GRID2: variants seen among roughly 807,000 people sequenced by gnomAD.
The protein encoded by GRID2 is glutamate receptor ionotropic, delta-2.
Under a neutral mutation model 114.8 loss-of-function variants are expected in GRID2, and 33 were observed. That is an observed-to-expected ratio of 0.29 (90% CI 0.22 to 0.38). The LOEUF (loss-of-function observed/expected upper bound fraction) is 0.38, where lower values mean the gene tolerates loss of function less well. Among genes scored for constraint, GRID2 ranks in the 10% least tolerant of loss-of-function variants. GRID2 has a pLI of 1.00. For synonymous variants in GRID2, 505 were observed against 449.9 expected, an observed-to-expected ratio of 1.12 and a Z score of -1.55; for missense variants, 1,184 against 1,257.7, an observed-to-expected ratio of 0.94 and a Z score of 0.89.
intron 14 of GRID2, among the ~76,000 whole-genome samples, chr4:93,766,427 C>T (rs112660279): frequency 4.6e-5 from 7 of 152,088 alleles, no homozygotes; most frequent in East Asian, 1.9e-4. Flanking sequence ...ATCACAAGAA[C>T]GGCATGAGGG....
chr4:92,390,044 C>T (rs1730164487), intron 1 of GRID2, among the ~76,000 whole-genome samples: 1 of 151,860 alleles, frequency 6.6e-6, no homozygotes, highest in South Asian at 2.1e-4. Context: ...AATTTTAAGT[C>T]CTCTTTTAAA....
intron 14 of GRID2, among the ~76,000 whole-genome samples, chr4:93,680,458 T>C (rs372732218): frequency 6.6e-6 from 1 of 150,618 alleles, no homozygotes; most frequent in Non-Finnish European, 1.5e-5. Context: ...TACCAAAGCC[T>C]GGCAGAGACA....
chr4:92,887,170 G>A (rs1384621180), intron 2 of GRID2, among the ~76,000 whole-genome samples: 1 of 152,064 alleles, frequency 6.6e-6, no homozygotes, highest in Non-Finnish European at 1.5e-5. Flanking sequence ...CCATCCTGGA[G>A]GTCTACACTC....
chr4:92,600,001 G>T (rs1159805355), intron 2 of GRID2, among the ~76,000 whole-genome samples: 1 of 136,982 alleles, frequency 7.3e-6, no homozygotes, highest in Admixed American at 7.6e-5. Context: ...CTCCAGCCTG[G>T]GCGACAGGGC....
At chr4:93,425,586 T>G (rs1265910259) in intron 10 of GRID2, among the ~76,000 whole-genome samples, 1 of 152,160 alleles carries the variant, frequency 6.6e-6, no homozygotes, top group African/African-American at 2.4e-5. Flanking sequence ...CTTTGCTAAT[T>G]TTCCTAGGAT....
At chr4:92,860,181 T>C (rs1744438268) in intron 2 of GRID2, among the ~76,000 whole-genome samples, 1 of 151,858 alleles carries the variant, frequency 6.6e-6, no homozygotes, top group Non-Finnish European at 1.5e-5. Flanking sequence ...ACCTCAGAAC[T>C]CAACATTATA....
intron 3 of GRID2, among the ~76,000 whole-genome samples, chr4:93,086,955 A>G (rs1730375197): frequency 6.6e-6 from 1 of 152,172 alleles, no homozygotes; most frequent in Non-Finnish European, 1.5e-5. Context: ...TGAAATAATA[A>G]ATTTAAAAAC....
rs115742355 is a variant in GRID2, at chr4:93,554,544, A to G, written c.2193+39133A>G. On this transcript the variant is annotated intron_variant, in intron 13 of 15. Transcript: ENST00000282020. ...AATGTGTAATGATGAAATCAGGGCA[A>G]TTGGTGAAGCCATCACCTCAAGCAT... Among the ~76,000 whole-genome samples, 1,011 of 152,296 alleles carry G rather than the reference A, an allele frequency of 6.6e-3. 12 individuals are homozygous for G. The highest frequency in any genetic ancestry group is 0.023 in the African/African-American group (952 of 41,560).
intron 14 of GRID2, among the ~76,000 whole-genome samples, chr4:93,681,172 T>C (rs1725495749): frequency 6.6e-6 from 1 of 151,308 alleles, no homozygotes. Flanking sequence ...TGAACTCCCA[T>C]TCACAATTGC....
chr4:93,643,237 G>A (rs377639833), intron 14 of GRID2, among the ~76,000 whole-genome samples: 1 of 39,012 alleles, frequency 2.6e-5, no homozygotes, highest in Non-Finnish European at 4.1e-5. Flanking sequence ...AAAGTTTTCA[G>A]CTTCTTTGCC....
At chr4:93,242,210 G>C (rs72872734) in intron 8 of GRID2, among the ~76,000 whole-genome samples, 1 of 151,848 alleles carries the variant, frequency 6.6e-6, no homozygotes, top group Admixed American at 6.6e-5. Context: ...GCAGCAGAAG[G>C]CATTGGCAAT....
At chr4:93,095,644 A>T (rs969217071) in intron 3 of GRID2, among the ~76,000 whole-genome samples, 1 of 152,134 alleles carries the variant, frequency 6.6e-6, no homozygotes, top group Non-Finnish European at 1.5e-5. Context: ...AGCAATAAAA[A>T]ATTAAACCTG....
rs568606487 is a variant in GRID2 at position 93,636,586 on chromosome 4, G to A, written c.2360+10151G>A. Among the ~76,000 whole-genome samples the A allele has an allele frequency of 2.6e-5, 4 of 152,122 alleles. No homozygotes were observed. In the East Asian group the frequency reaches 5.8e-4, roughly 22 times the overall value. The stretch of plus-strand genomic sequence containing the variant: ...ACATAACGTCAAGACACTTTTTACT[G>A]TTTGAAAAATTCAGTCTACTTTTAA... On this transcript the variant is annotated intron_variant, in intron 14 of 15. Coordinates refer to ENST00000282020, the MANE Select transcript of GRID2 (RefSeq NM_001510.4).
At chr4:93,781,310 T>A (rs898543033) in intron 1 of GRID2, among the ~76,000 whole-genome samples, 5 of 151,962 alleles carry the variant, frequency 3.3e-5, no homozygotes, top group African/African-American at 1.2e-4. Flanking sequence ...TGCTCAAGAT[T>A]TATGGGGATG....
chr4:92,747,661 G>C (rs1187218487), intron 2 of GRID2, among the ~76,000 whole-genome samples: 1 of 152,184 alleles, frequency 6.6e-6, no homozygotes, highest in African/African-American at 2.4e-5. Flanking sequence ...CAAGAAAAGA[G>C]ACTATTACAA....
At chr4:93,695,663 A>G (rs4692987) in intron 14 of GRID2, among the ~76,000 whole-genome samples, 71,074 of 152,032 alleles carry the variant, frequency 0.47, 17,000 homozygotes, top group East Asian at 0.73. Flanking sequence ...CTATGTGTGT[A>G]TATTAGTCCT....
At chr4:93,620,136 T>G (rs962469411) in intron 13 of GRID2, among the ~76,000 whole-genome samples, 1 of 152,232 alleles carries the variant, frequency 6.6e-6, no homozygotes, top group African/African-American at 2.4e-5. Context: ...AATGTGTATG[T>G]AAATGGCATT....
chr4:92,967,580 T>C (rs1160458426), intron 2 of GRID2, among the ~76,000 whole-genome samples: 1 of 151,910 alleles, frequency 6.6e-6, no homozygotes, highest in Non-Finnish European at 1.5e-5. Flanking sequence ...TATTGTATTC[T>C]GTACTACCTG....
At chr4:93,166,225 GTATC>G (rs1738234558) in intron 4 of GRID2, 1 of 152,152 alleles carries the variant, frequency 6.6e-6, no homozygotes, top group Non-Finnish European at 1.5e-5. Context: ...AAAAATTTTA[GTATC>G]TATCTATTAA....
Sources: allele counts gnomAD v4.1 joint callset (sites outside exome capture counted in the v4.1 genomes callset), GRCh38; gene constraint gnomAD v4.1.1; transcripts MANE v1.5; gene names NCBI Gene and HGNC (gene_info 2026-07-23, HGNC 2026-07-21).